The following C2orf92 variants were observed in gnomAD, a reference collection of about 807,000 sequenced individuals.
C2orf92 encodes the protein uncharacterized protein C2orf92.
chr2:97,665,708 T>A (rs1291126304), upstream of C2orf92: 5 of 65,336 alleles, frequency 7.7e-5, no homozygotes, highest in Admixed American at 1.7e-4. Context: ...TCTCTCTCTC[T>A]CTCTCTCTCT....
chr2:97,699,974 C>G (rs1177188404), intron 6 of C2orf92, among the ~76,000 whole-genome samples: 2 of 152,262 alleles, frequency 1.3e-5, no homozygotes, highest in Non-Finnish European at 2.9e-5. Context: ...TTGCTCAGCA[C>G]TCTGCTGTCT....
intron 6 of C2orf92, among the ~76,000 whole-genome samples, chr2:97,700,887 G>T (rs576342275): frequency 1.3e-5 from 2 of 152,156 alleles, no homozygotes; most frequent in South Asian, 4.1e-4. Context: ...CCGCCACCAC[G>T]CCCGGCTAAT....
chr2:97,698,666 G>C (rs552237374), intron 5 of C2orf92, among the ~76,000 whole-genome samples: 4 of 152,206 alleles, frequency 2.6e-5, no homozygotes, highest in African/African-American at 9.6e-5. Context: ...CGTCTTTCAG[G>C]ATCTGTGAGA....
chr2:97,688,604 A>G (rs995575201), intron 3 of C2orf92, among the ~76,000 whole-genome samples: 1 of 152,220 alleles, frequency 6.6e-6, no homozygotes, highest in Non-Finnish European at 1.5e-5. Flanking sequence ...GAATGACAAC[A>G]GAAACCAGAA....
chr2:97,666,117 T>C (rs1356279324), upstream of C2orf92, among the ~76,000 whole-genome samples: 1 of 151,904 alleles, frequency 6.6e-6, no homozygotes, highest in African/African-American at 2.4e-5. Context: ...TTAGGCAATA[T>C]TGGAGCATCT....
intron 5 of C2orf92, among the ~76,000 whole-genome samples, chr2:97,691,688 C>T (rs1401499448): frequency 6.6e-6 from 1 of 152,184 alleles, no homozygotes; most frequent in Non-Finnish European, 1.5e-5. Flanking sequence ...AGCCGGAGGT[C>T]AGGGTGGGGA....
chr2:97,691,340 C>T (rs1405275979), intron 5 of C2orf92, among the ~76,000 whole-genome samples: 8 of 152,176 alleles, frequency 5.3e-5, no homozygotes, highest in Non-Finnish European at 1.0e-4. Context: ...GCAGGTCCTT[C>T]CCCCGCTGGG....
upstream of C2orf92, among the ~76,000 whole-genome samples, chr2:97,665,588 C>CTATG (rs1022075527): frequency 2.0e-4 from 30 of 151,516 alleles, no homozygotes; most frequent in Non-Finnish European, 3.7e-4. Flanking sequence ...AAAAACTAAG[C>CTATG]TATGTCTACA....
At chr2:97,673,800 G>A (rs1675488610) in intron 1 of C2orf92, among the ~76,000 whole-genome samples, 1 of 152,164 alleles carries the variant, frequency 6.6e-6, no homozygotes. Context: ...TACTGTTTCT[G>A]TGCAGAGATA....
intron 3 of C2orf92, among the ~76,000 whole-genome samples, chr2:97,683,113 C>A (rs1460683157): frequency 2.6e-5 from 4 of 151,366 alleles, no homozygotes; most frequent in Non-Finnish European, 5.9e-5. Flanking sequence ...CACACACACA[C>A]AAACATATTA....
At chr2:97,681,229 A>C (rs964094441) in intron 3 of C2orf92, among the ~76,000 whole-genome samples, 3 of 152,054 alleles carry the variant, frequency 2.0e-5, no homozygotes, top group African/African-American at 7.2e-5. Flanking sequence ...TCCACCCAGC[A>C]ACAGAAGAAT....
At chr2:97,690,787 T>G (rs934270864) in intron 5 of C2orf92, among the ~76,000 whole-genome samples, 3 of 141,410 alleles carry the variant, frequency 2.1e-5, no homozygotes, top group African/African-American at 7.9e-5. Flanking sequence ...TTTTTTTTTG[T>G]TTTTTTTTTT....
upstream of C2orf92, among the ~76,000 whole-genome samples, chr2:97,666,485 C>T (rs1311335153): frequency 2.2e-5 from 3 of 138,570 alleles, no homozygotes; most frequent in Admixed American, 7.9e-5. Flanking sequence ...TGCAGTGAGC[C>T]GAGATCGCGC....
At chr2:97,682,577 A>G (rs1190359045) in intron 3 of C2orf92, among the ~76,000 whole-genome samples, 1 of 152,212 alleles carries the variant, frequency 6.6e-6, no homozygotes, top group Non-Finnish European at 1.5e-5. Flanking sequence ...ACATTAGCAA[A>G]CCAAAACCAA....
intron 3 of C2orf92, among the ~76,000 whole-genome samples, chr2:97,682,205 T>G (rs901028550): frequency 1.6e-4 from 24 of 152,168 alleles, no homozygotes; most frequent in African/African-American, 5.8e-4. Flanking sequence ...ACAAATTGGA[T>G]GACCTAGATG....
chr2:97,666,010 G>A (rs1675220396), upstream of C2orf92: 1 of 152,078 alleles, frequency 6.6e-6, no homozygotes, highest in Non-Finnish European at 1.5e-5. Flanking sequence ...GAACTCCTGA[G>A]CTCAAGCAGT....
At chr2:97,692,357 C>T (rs1676165649) in intron 5 of C2orf92, among the ~76,000 whole-genome samples, 1 of 150,534 alleles carries the variant, frequency 6.6e-6, no homozygotes, top group South Asian at 2.1e-4. Flanking sequence ...ATTTTATGTC[C>T]TATTGCCTTG....
chr2:97,698,973 A>C, intron 5 of C2orf92, 53 bp from the exon 6 acceptor site: 1 of 397,966 alleles, frequency 2.5e-6, no homozygotes, highest in Non-Finnish European at 4.4e-6. Flanking sequence ...ATAAACGCTG[A>C]ACTAATCACA....
At chr2:97,694,456 T>G (rs1676244502) in intron 5 of C2orf92, 2 of 149,978 alleles carry the variant, frequency 1.3e-5, no homozygotes, top group Admixed American at 1.3e-4. Flanking sequence ...GAGATGGGGT[T>G]TCACTGTGTT....
Sources: allele counts gnomAD v4.1 joint callset (sites outside exome capture counted in the v4.1 genomes callset), GRCh38; gene constraint gnomAD v4.1.1; transcripts MANE v1.5; gene names NCBI Gene and HGNC (gene_info 2026-07-23, HGNC 2026-07-21).